Variants in AK8 observed in about 807,000 individuals in gnomAD.
The protein encoded by AK8 is adenylate kinase 8, also known as ATP-AMP transphosphorylase 8.
A neutral mutation model predicts 54.6 loss-of-function variants in AK8; 44 were observed. That is an observed-to-expected ratio of 0.81 (90% confidence interval 0.63 to 1.04). The LOEUF (loss-of-function observed/expected upper bound fraction) is 1.04. AK8 is among the 50% of genes least tolerant of loss of function. The pLI, the probability that AK8 is intolerant of heterozygous loss-of-function variation, is 0.00. For missense variants in AK8, 555 were observed against 613.6 expected, an observed-to-expected ratio of 0.90 and a Z score of 1.01; for synonymous variants, 239 against 245.6, an observed-to-expected ratio of 0.97 and a Z score of 0.25.
intron 5 of AK8, among the ~76,000 whole-genome samples, chr9:132,845,145 G>C (rs809264): frequency 0.2 from 30,815 of 152,094 alleles, 3,427 homozygotes; most frequent in East Asian, 0.44. Context: ...ATAGTGCAAG[G>C]TGCACCTGCA....
intron 5 of AK8, among the ~76,000 whole-genome samples, chr9:132,846,932 T>C (rs1009343990): frequency 3.3e-5 from 5 of 152,220 alleles, no homozygotes; most frequent in African/African-American, 1.2e-4. Flanking sequence ...CTGCTGGGCG[T>C]AGTGCCTGAT....
intron 11 of AK8, among the ~76,000 whole-genome samples, chr9:132,773,202 G>A (rs2131097077): frequency 6.6e-6 from 1 of 152,200 alleles, no homozygotes; most frequent in Admixed American, 6.5e-5. Context: ...CTAACTCAGG[G>A]CCTTTGCACT....
At chr9:132,802,444 T>C (rs1219472906) in intron 10 of AK8, among the ~76,000 whole-genome samples, 1 of 152,174 alleles carries the variant, frequency 6.6e-6, no homozygotes, top group Admixed American at 6.5e-5. Flanking sequence ...ATGGGATGCC[T>C]GGCCGCTGGC....
rs768594083 is a variant in AK8, at chr9:132,878,220, G to T, written c.36C>A (p.Pro12=). Residue 12 remains proline (P), a synonymous_variant, in exon 1 of 13, where the codon CCC becomes CCA. Coordinates refer to ENST00000298545, the MANE Select transcript of AK8 (RefSeq NM_152572.3). The surrounding 1 kb of genome is among the most constrained non-coding windows in gnomAD (Gnocchi z 4.7). Reference sequence around the variant, plus strand: ...TCTCCTCCCCGTACTGGGGCATCTCGGGGGGGATACGGTGCGGGGCGATAG... The same window carrying T: ...TCTCCTCCCCGTACTGGGGCATCTCTGGGGGGATACGGTGCGGGGCGATAG... ...DATIAPHRIP[P]EMPQYGEENH... 94 of 1,449,730 alleles carry T rather than the reference G, an allele frequency of 6.5e-5. No homozygotes were observed. The highest frequency in any genetic ancestry group is 1.9e-4 in the Middle Eastern group (1 of 5,286). The allele number at this position is 1,449,730 out of a possible 1,614,324, so 89.8% of individuals were successfully genotyped here.
intron 11 of AK8, among the ~76,000 whole-genome samples, chr9:132,788,444 G>C (rs1839807495): frequency 6.6e-6 from 1 of 152,196 alleles, no homozygotes; most frequent in Admixed American, 6.5e-5. Context: ...TGTTGGGGTA[G>C]ATAATTAGCT....
intron 11 of AK8, among the ~76,000 whole-genome samples, chr9:132,751,029 G>T (rs1452458069): frequency 6.6e-6 from 1 of 151,946 alleles, no homozygotes; most frequent in African/African-American, 2.4e-5. Flanking sequence ...GGTGAAACCT[G>T]AATTTCTAGA....
At chr9:132,814,521 T>C in intron 10 of AK8, 117 bp downstream of exon 10, 1 of 1,010,540 alleles carries the variant, frequency 9.9e-7, no homozygotes, top group Non-Finnish European at 1.4e-6. Context: ...AAACCCAATT[T>C]CCATTTCCCG....
intron 2 of AK8, among the ~76,000 whole-genome samples, chr9:132,872,154 T>C (rs576094946): frequency 5.3e-5 from 8 of 151,924 alleles, no homozygotes; most frequent in African/African-American, 1.9e-4. Context: ...GGCAACATAG[T>C]GAAACCCCAT....
chr9:132,812,962 C>T lies in AK8; in HGVS notation c.979+1676G>A, dbSNP rs1052207420. ...CACTGCCCTGAGCCTACACAGATCA[C>T]CTCATTCTGTGGCCACCGCAGACAC... On this transcript the variant is annotated intron_variant, in intron 10 of 12. Coordinates refer to ENST00000298545, the MANE Select transcript of AK8 (RefSeq NM_152572.3). Among the ~76,000 whole-genome samples the T allele has an allele frequency of 2.1e-5, 3 of 140,192 alleles. 1 individual carries two copies. Among genetic ancestry groups the T allele is most frequent in the Non-Finnish European group, 4.6e-5 (3 of 64,798 alleles). The allele number at this position is 140,192 out of a possible 152,430, so 92.0% of individuals were successfully genotyped here.
At position 132,770,762 on chromosome 9, in the gene AK8, C is replaced by T. The variant is rs1360538525; in HGVS notation, c.1121+21872G>A. On this transcript the variant is annotated intron_variant, in intron 11 of 12. Transcript: ENST00000298545. The surrounding 1 kb of genome is among the most constrained non-coding windows in gnomAD (Gnocchi z 4.3). ...TGGGGCGGTCTTGCTCCCTGTTGACCCCCATTCCCCCTCCCCTGGATCCAG... is the reference window on the plus strand; with the variant it reads ...TGGGGCGGTCTTGCTCCCTGTTGACTCCCATTCCCCCTCCCCTGGATCCAG... Among the ~76,000 whole-genome samples the T allele has an allele frequency of 6.6e-6, 1 of 152,154 alleles. No homozygotes were observed. Among genetic ancestry groups the T allele is most frequent in the East Asian group, 1.9e-4 (1 of 5,178 alleles).
At chr9:132,783,902 A>G (rs1383666504) in intron 11 of AK8, among the ~76,000 whole-genome samples, 1 of 152,232 alleles carries the variant, frequency 6.6e-6, no homozygotes, top group African/African-American at 2.4e-5. Flanking sequence ...AATAATACCA[A>G]AAAGAGTAAG....
chr9:132,735,499 G>A (rs1432037835), intron 11 of AK8, among the ~76,000 whole-genome samples: 1 of 152,058 alleles, frequency 6.6e-6, no homozygotes, highest in Non-Finnish European at 1.5e-5. Flanking sequence ...AAAGCAATAT[G>A]ACATAACCAC....
chr9:132,872,164 T>C (rs1004370691), intron 2 of AK8, among the ~76,000 whole-genome samples: 29 of 151,954 alleles, frequency 1.9e-4, no homozygotes, highest in African/African-American at 6.8e-4. Context: ...TGAAACCCCA[T>C]CTCTACAAAA....
chr9:132,730,896 C>T (rs1290152264), intron 11 of AK8, among the ~76,000 whole-genome samples: 4 of 152,180 alleles, frequency 2.6e-5, no homozygotes, highest in African/African-American at 4.8e-5. Flanking sequence ...TCGGGAAAGC[C>T]GGGGCTGCCC....
intron 3 of AK8, among the ~76,000 whole-genome samples, chr9:132,866,688 G>A (rs548202075): frequency 3.3e-5 from 5 of 152,164 alleles, no homozygotes; most frequent in Non-Finnish European, 5.9e-5. Context: ...CTAAAGGAAT[G>A]CTCATCTCTG....
At chr9:132,757,108 G>T (rs555641398) in intron 11 of AK8, among the ~76,000 whole-genome samples, 32 of 152,116 alleles carry the variant, frequency 2.1e-4, no homozygotes, top group Middle Eastern at 6.8e-3. Flanking sequence ...CAGTTGCCGT[G>T]GGCACCCGAC....
intron 5 of AK8, among the ~76,000 whole-genome samples, chr9:132,851,987 G>A (rs1211406571): frequency 2.6e-5 from 4 of 152,100 alleles, no homozygotes; most frequent in South Asian, 2.1e-4. Flanking sequence ...ACTCGAAAGC[G>A]GCTATTACAA....
intron 1 of AK8, among the ~76,000 whole-genome samples, chr9:132,876,045 G>A (rs528005071): frequency 2.0e-5 from 3 of 152,318 alleles, no homozygotes; most frequent in South Asian, 2.1e-4. Context: ...CTGCAATAAG[G>A]GGTATCCTTG....
chr9:132,787,616 A>G (rs1487078580), intron 11 of AK8, among the ~76,000 whole-genome samples: 1 of 152,192 alleles, frequency 6.6e-6, no homozygotes, highest in Non-Finnish European at 1.5e-5. Context: ...GATGTGTTCA[A>G]CCAAAACAAG....
Sources: gnomAD v4.1 joint callset for allele counts (sites outside exome capture counted in the v4.1 genomes callset) on GRCh38, gnomAD v4.1.1 for gene constraint, Gnocchi (gnomAD v3.1) non-coding constraint, MANE v1.5 for transcripts, NCBI Gene and HGNC (gene_info 2026-07-23, HGNC 2026-07-21) for gene names.